EPB41L3: variants seen among roughly 807,000 people sequenced by gnomAD.
The protein encoded by EPB41L3 is erythrocyte membrane protein band 4.1 like 3, also known as band 4.1-like protein 3.
In EPB41L3, 57 loss-of-function variants were observed where a neutral mutation model predicts 127.1. That is an observed-to-expected ratio of 0.45 (90% confidence interval 0.36 to 0.56). The LOEUF (loss-of-function observed/expected upper bound fraction) is 0.56, where lower values mean the gene tolerates loss of function less well. EPB41L3 is among the 20% of genes least tolerant of loss of function. The pLI is 0.00. For missense variants in EPB41L3, 1,273 were observed against 1,372.2 expected (o/e 0.93, Z 1.14); for synonymous variants, 572 against 549.5 (o/e 1.04, Z -0.57).
chr18:5,593,691 T>C (rs1268515901), intron 3 of EPB41L3, among the ~76,000 whole-genome samples: 1 of 152,140 alleles, frequency 6.6e-6, no homozygotes, highest in African/African-American at 2.4e-5. Context: ...GGGAGCACTA[T>C]GGGAGACTGG....
In EPB41L3 at chr18:5,397,876, G is replaced by T; in HGVS notation, c.2472+145C>A. On this transcript the variant is annotated intron_variant, in intron 17 of 22. Coordinates refer to ENST00000341928, the MANE Select transcript of EPB41L3 (RefSeq NM_012307.5). The surrounding 1 kb of genome is among the most constrained non-coding windows in gnomAD (Gnocchi z 4.1). ...AGGCATGTGACAGATATGCCAAGCA[G>T]ACACAAAGGACAATAAGTGAAGACA... The T allele has an allele frequency of 1.1e-6, 1 of 891,568 alleles. No individual in the cohort carries two copies. Among genetic ancestry groups the T allele is most frequent in the Non-Finnish European group, 1.8e-6 (1 of 567,288 alleles). The allele number at this position is 891,568 out of a possible 1,614,324, so 55.2% of individuals were successfully genotyped here.
intron 1 of EPB41L3, among the ~76,000 whole-genome samples, chr18:5,529,704 C>T (rs2148912511): frequency 6.6e-6 from 1 of 152,300 alleles, no homozygotes; most frequent in African/African-American, 2.4e-5. Context: ...TCTACTTCTC[C>T]CTTGCAGATT....
At chr18:5,502,906 G>C (rs930980771) in intron 1 of EPB41L3, among the ~76,000 whole-genome samples, 1 of 152,184 alleles carries the variant, frequency 6.6e-6, no homozygotes, top group Non-Finnish European at 1.5e-5. Context: ...CAGACAGCTG[G>C]AGAGGGTAAC....
chr18:5,555,765 T>C (rs558761543), intron 3 of EPB41L3, among the ~76,000 whole-genome samples: 6 of 152,222 alleles, frequency 3.9e-5, no homozygotes, highest in African/African-American at 1.4e-4. Context: ...GATACAAAGG[T>C]GATGCTCTCA....
At chr18:5,528,459 G>A (rs1255186537) in intron 1 of EPB41L3, among the ~76,000 whole-genome samples, 1 of 150,566 alleles carries the variant, frequency 6.6e-6, no homozygotes, top group African/African-American at 2.4e-5. Context: ...TACAGACCCT[G>A]AGCCCAGCTG....
chr18:5,615,566 T>C (rs1172455184), intron 1 of EPB41L3, among the ~76,000 whole-genome samples: 1 of 151,288 alleles, frequency 6.6e-6, no homozygotes, highest in East Asian at 1.9e-4. Context: ...AAATAAAGAG[T>C]GTGATTGTTT....
chr18:5,626,968 A>C (rs2094929303), intron 1 of EPB41L3, among the ~76,000 whole-genome samples: 1 of 152,154 alleles, frequency 6.6e-6, no homozygotes. Context: ...TCTTAAGTAG[A>C]AAAATGGTGG....
At chr18:5,492,473 T>C (rs535207118) in intron 1 of EPB41L3, among the ~76,000 whole-genome samples, 2 of 121,392 alleles carry the variant, frequency 1.6e-5, no homozygotes, top group Non-Finnish European at 3.1e-5. Context: ...TTCTTTTTCT[T>C]ATACTCATTC....
rs769197663 is a variant in EPB41L3 at position 5,398,120 on chromosome 18, C to G, written c.2373G>C (p.Lys791Asn). ...TGAAGATTTCAGAGCCATCCATGAG[C>G]TTTTCCCCAGAAGACTGCTTAGTCT... Reference protein sequence around the residue: ...PEETKQSSGEKLMDGSEIFSL... With the variant: ...PEETKQSSGENLMDGSEIFSL... Residue 791 changes from lysine to asparagine, a missense_variant, in exon 17 of 23, where the codon AAG becomes AAC. Physicochemically the swap from Lys to Asn is moderately conservative, Grantham distance 94 (BLOSUM62 0). Transcript: ENST00000341928. The G allele has an allele frequency of 1.1e-5, 17 of 1,614,120 alleles. No individual in the cohort carries two copies. In the South Asian group the frequency reaches 1.9e-4, roughly 18 times the overall value.
At chr18:5,448,311 G>A (rs148307850) in intron 3 of EPB41L3, among the ~76,000 whole-genome samples, 1 of 152,190 alleles carries the variant, frequency 6.6e-6, no homozygotes, top group Admixed American at 6.5e-5. Context: ...TTCCAGCCCT[G>A]GACTGGATCC....
intron 1 of EPB41L3, among the ~76,000 whole-genome samples, chr18:5,619,438 TCAGA>T (rs557196511): frequency 5.9e-5 from 9 of 152,292 alleles, no homozygotes; most frequent in Non-Finnish European, 1.0e-4. Flanking sequence ...ATTTTGTGGG[TCAGA>T]CACTTTTTCC....
At chr18:5,476,651 AAAGTT>A (rs1432635482) in intron 3 of EPB41L3, among the ~76,000 whole-genome samples, 5 of 152,194 alleles carry the variant, frequency 3.3e-5, no homozygotes, top group Non-Finnish European at 2.9e-5. Flanking sequence ...GACTCTCCTC[AAAGTT>A]AAGAGGAAAA....
chr18:5,410,588 T>C lies in EPB41L3; in HGVS notation c.2099A>G (p.Asp700Gly). 1 of 1,613,744 alleles carries C rather than the reference T, an allele frequency of 6.2e-7. No homozygotes were observed. Among genetic ancestry groups the C allele is most frequent in the South Asian group, 1.1e-5 (1 of 91,006 alleles). Residue 700 changes from aspartate (D) to glycine (G), a missense_variant, in exon 14 of 23, where the codon GAC (aspartate) becomes GGC (glycine). Coordinates refer to ENST00000341928, the MANE Select transcript of EPB41L3 (RefSeq NM_012307.5). ...TDSERTDTAA[D>G]GETTATESDQ... is the part of the protein sequence containing the mutation. ...AACCTCAGTGGCAGTGGTCTCCCCG[T>C]CGGCTGCGGTGTCCGTGCGCTCACT...
At chr18:5,435,641 A>C (rs2079660541) in intron 6 of EPB41L3, among the ~76,000 whole-genome samples, 1 of 152,222 alleles carries the variant, frequency 6.6e-6, no homozygotes, top group African/African-American at 2.4e-5. Context: ...TCACACAACA[A>C]CAAAATCATC....
At chr18:5,615,629 G>C (rs1436846944) in intron 1 of EPB41L3, among the ~76,000 whole-genome samples, 1 of 152,156 alleles carries the variant, frequency 6.6e-6, no homozygotes, top group Non-Finnish European at 1.5e-5. Flanking sequence ...CAGAAATGAA[G>C]ATATTTCCAG....
intron 2 of EPB41L3, among the ~76,000 whole-genome samples, chr18:5,480,496 A>G (rs1172497222): frequency 3.3e-5 from 5 of 152,204 alleles, no homozygotes; most frequent in Admixed American, 2.6e-4. Flanking sequence ...CATAAATTCA[A>G]TGGATTTGAA....
chr18:5,561,114 A>T lies in EPB41L3; in HGVS notation c.-306+51226T>A, dbSNP rs1281712017. Among the ~76,000 whole-genome samples, 2 of 148,782 alleles carry T rather than the reference A, an allele frequency of 1.3e-5. 1 individual carries two copies. The highest frequency in any genetic ancestry group is 3.0e-5 in the Non-Finnish European group (2 of 66,972). On this transcript the variant is annotated intron_variant, in intron 3 of 21. Coordinates refer to the EPB41L3 transcript ENST00000545076. ...TGCCTCAGCCTCCCGAGTAGCTGGG[A>T]CTACAGGCGCCCGCCACTACGCCCG...
At chr18:5,438,160 C>T (rs770774454) in intron 5 of EPB41L3, 50 bp from the exon 6 acceptor site, 8 of 1,564,156 alleles carry the variant, frequency 5.1e-6, no homozygotes, top group East Asian at 2.2e-5. Context: ...ATTCTTATGA[C>T]TCTAATCGAT....
intron 1 of EPB41L3, among the ~76,000 whole-genome samples, chr18:5,495,576 T>A (rs1004034582): frequency 6.6e-6 from 1 of 150,542 alleles, no homozygotes; most frequent in African/African-American, 2.5e-5. Flanking sequence ...ACAGAAAGGA[T>A]TTTCACAGGA....
Sources: allele counts gnomAD v4.1 joint callset (sites outside exome capture counted in the v4.1 genomes callset), GRCh38; gene constraint gnomAD v4.1.1; non-coding constraint Gnocchi (gnomAD v3.1); transcripts MANE v1.5; gene names NCBI Gene and HGNC (gene_info 2026-07-23, HGNC 2026-07-21).